The following CSMD3 variants were observed in gnomAD, a reference collection of about 807,000 sequenced individuals.
CSMD3 encodes the protein CUB and Sushi multiple domains 3.
Under a neutral mutation model 435.2 loss-of-function variants are expected in CSMD3, and 177 were observed. That is an observed-to-expected ratio of 0.41 (90% confidence interval 0.36 to 0.46). CSMD3 has a LOEUF of 0.46. CSMD3 is among the 20% of genes least tolerant of loss of function. The pLI, the probability that CSMD3 is intolerant of heterozygous loss-of-function variation, is 0.34. For missense variants in CSMD3, 4,265 were observed against 4,504.6 expected (o/e 0.95, Z 1.52); for synonymous variants, 1,656 against 1,520.5 (o/e 1.09, Z -2.07).
chr8:112,938,287 A>T (rs7827021), intron 9 of CSMD3, among the ~76,000 whole-genome samples: 2,507 of 152,280 alleles, frequency 0.016, 60 homozygotes, highest in African/African-American at 0.058. Flanking sequence ...TTCTCCTTTA[A>T]TGAAACCTGC....
intron 9 of CSMD3, among the ~76,000 whole-genome samples, chr8:112,934,370 G>A (rs1383343860): frequency 6.6e-6 from 1 of 152,146 alleles, no homozygotes; most frequent in Non-Finnish European, 1.5e-5. Context: ...TTTTTGGGTT[G>A]CTGAATAGAA....
intron 4 of CSMD3, among the ~76,000 whole-genome samples, chr8:113,132,680 G>A (rs552727540): frequency 1.3e-5 from 2 of 151,952 alleles, no homozygotes; most frequent in South Asian, 2.1e-4. Context: ...GTGTGAAAGC[G>A]AACTAATACA....
chr8:112,456,972 T>C (rs892560104), intron 32 of CSMD3, among the ~76,000 whole-genome samples: 1 of 152,204 alleles, frequency 6.6e-6, no homozygotes, highest in East Asian at 1.9e-4. Context: ...TGAGAAATTA[T>C]AGGCCAAATT....
rs544489300 is a variant in CSMD3 at position 112,309,797 on chromosome 8, C to G, written c.7885+1181G>C. On this transcript the variant is annotated intron_variant, in intron 50 of 70. Transcript: ENST00000297405. ...CCTTTTATGAATTATAAATTGCACT[C>G]TAATAGGTAAAAGAAGCCATTTCAA... 3.9e-5 allele frequency among the ~76,000 whole-genome samples: 6 copies of G among 152,188 alleles called. No individual in the cohort carries two copies. The South Asian group carries it at 1.2e-3, about 32-fold the overall frequency.
chr8:113,365,769 TA>T (rs2094307355), intron 1 of CSMD3, among the ~76,000 whole-genome samples: 2 of 151,992 alleles, frequency 1.3e-5, no homozygotes, highest in African/African-American at 4.8e-5. Flanking sequence ...GTTTTGTCAA[TA>T]AAATAATGAG....
At chr8:113,385,432 T>C (rs1285205903) in intron 1 of CSMD3, among the ~76,000 whole-genome samples, 1 of 152,124 alleles carries the variant, frequency 6.6e-6, no homozygotes, top group Non-Finnish European at 1.5e-5. Flanking sequence ...TATGATGTAA[T>C]GTGTCAAAGA....
At chr8:112,753,667 A>G (rs1000735937) in intron 13 of CSMD3, among the ~76,000 whole-genome samples, 1 of 152,192 alleles carries the variant, frequency 6.6e-6, no homozygotes, top group African/African-American at 2.4e-5. Flanking sequence ...GCATTAGAGG[A>G]AATCTATATA....
chr8:113,340,591 T>A (rs925874461), intron 1 of CSMD3, among the ~76,000 whole-genome samples: 2 of 152,072 alleles, frequency 1.3e-5, no homozygotes, highest in African/African-American at 4.8e-5. Context: ...AAAGGGTTTG[T>A]TTGCCAAGCA....
chr8:112,409,284 A>T (rs1038599373), intron 32 of CSMD3, among the ~76,000 whole-genome samples: 3 of 152,088 alleles, frequency 2.0e-5, no homozygotes, highest in Admixed American at 2.0e-4. Context: ...AATATAAATG[A>T]GCATAGCATT....
At chr8:113,358,605 TAC>T (rs750008774) in intron 1 of CSMD3, among the ~76,000 whole-genome samples, 4 of 152,092 alleles carry the variant, frequency 2.6e-5, no homozygotes, top group Non-Finnish European at 5.9e-5. Context: ...AAAGGAAACT[TAC>T]AATCATGGCA....
At chr8:113,082,532 G>T (rs967563254) in intron 5 of CSMD3, among the ~76,000 whole-genome samples, 1 of 151,948 alleles carries the variant, frequency 6.6e-6, no homozygotes, top group Non-Finnish European at 1.5e-5. Context: ...GAAGAAGTGT[G>T]TACACCAGGT....
At chr8:113,233,577 T>C (rs1293646622) in intron 3 of CSMD3, among the ~76,000 whole-genome samples, 3 of 151,416 alleles carry the variant, frequency 2.0e-5, no homozygotes, top group Non-Finnish European at 4.4e-5. Flanking sequence ...CTCCACTATA[T>C]AGATAATTAA....
intron 1 of CSMD3, among the ~76,000 whole-genome samples, chr8:113,321,197 T>G (rs1037327727): frequency 6.6e-6 from 1 of 152,282 alleles, no homozygotes; most frequent in Admixed American, 6.5e-5. Context: ...TGTCACTTCC[T>G]TATTCAATAG....
intron 28 of CSMD3, among the ~76,000 whole-genome samples, chr8:112,515,724 AT>A (rs1220469980): frequency 6.6e-6 from 1 of 151,904 alleles, no homozygotes; most frequent in Non-Finnish European, 1.5e-5. Flanking sequence ...CATTTGTCTT[AT>A]TTTTTACAGC....
intron 43 of CSMD3, 22 bp downstream of exon 43, chr8:112,337,517 AAGAT>A: frequency 6.3e-7 from 1 of 1,591,030 alleles, no homozygotes; most frequent in Non-Finnish European, 8.6e-7. Context: ...CATCACCTAA[AAGAT>A]AGCTTCAAGT....
At chr8:113,004,916 T>G (rs2085999569) in intron 6 of CSMD3, among the ~76,000 whole-genome samples, 1 of 151,848 alleles carries the variant, frequency 6.6e-6, no homozygotes, top group Non-Finnish European at 1.5e-5. Flanking sequence ...CTGCTTGTAT[T>G]TCTATGGATA....
intron 6 of CSMD3, among the ~76,000 whole-genome samples, chr8:112,989,903 A>C (rs1306686864): frequency 6.6e-6 from 1 of 151,990 alleles, no homozygotes; most frequent in Non-Finnish European, 1.5e-5. Context: ...GCAATGCCAG[A>C]TGGAGATAAT....
At chr8:112,881,654 T>C (rs112516993) in intron 10 of CSMD3, among the ~76,000 whole-genome samples, 5,009 of 152,096 alleles carry the variant, frequency 0.033, 109 homozygotes, top group Non-Finnish European at 0.042. Flanking sequence ...CTTGGTGATA[T>C]GAAGGCAGCA....
rs567195104 is a variant in CSMD3 at position 112,240,806 on chromosome 8, G to A, written c.10468+914C>T. ...GGGAGATAATTGAATCATGGATACT[G>A]TTCTCTTGGTAGTAAATAAGTCTCA... On this transcript the variant is annotated intron_variant, in intron 66 of 70. Transcript: ENST00000297405. 1.2e-4 allele frequency among the ~76,000 whole-genome samples: 18 copies of A among 152,192 alleles called. No homozygotes were observed. In the East Asian group the frequency reaches 3.1e-3, roughly 26 times the overall value.
Sources: allele counts gnomAD v4.1 joint callset (sites outside exome capture counted in the v4.1 genomes callset), GRCh38; gene constraint gnomAD v4.1.1; transcripts MANE v1.5; gene names NCBI Gene and HGNC (gene_info 2026-07-23, HGNC 2026-07-21).